Variants in ALKBH8 observed in about 807,000 individuals in gnomAD.
ALKBH8 encodes the protein tRNA (carboxymethyluridine(34)-5-O)-methyltransferase ALKBH8.
In ALKBH8, 36 loss-of-function variants were observed where a neutral mutation model predicts 59.8. The observed-to-expected ratio is 0.60, with a 90% CI of 0.46 to 0.79. The LOEUF (loss-of-function observed/expected upper bound fraction) is 0.79. Ranked by LOEUF, ALKBH8 falls within the 30% of genes least tolerant of loss-of-function variation. ALKBH8 has a pLI of 0.00. For synonymous variants in ALKBH8, 276 were observed against 273.6 expected (o/e 1.01, Z -0.09); for missense variants, 768 against 801.0 (o/e 0.96, Z 0.50).
intron 7 of ALKBH8, among the ~76,000 whole-genome samples, chr11:107,538,335 A>G (rs1230187941): frequency 6.6e-6 from 1 of 152,138 alleles, no homozygotes; most frequent in African/African-American, 2.4e-5. Flanking sequence ...CAGTATCATC[A>G]TATTTAAACT....
At chr11:107,531,323 C>G (rs1305725358) in intron 8 of ALKBH8, among the ~76,000 whole-genome samples, 1 of 152,110 alleles carries the variant, frequency 6.6e-6, no homozygotes, top group Non-Finnish European at 1.5e-5. Flanking sequence ...TAAATTGCAG[C>G]AGTGTAATGG....
Position 107,504,452 on chromosome 11 carries a change from A to G in ALKBH8, c.*206T>C. On this transcript the variant is annotated 3_prime_UTR_variant, in exon 12 of 12. Transcript: ENST00000428149. ...TAGAAACCACCTCTCCTAGGGAAGT[A>G]GGAGGAGCCAACACCACATCTGTGA... 1.5e-6 allele frequency: 1 copy of G among 687,040 alleles called. No homozygotes were observed. The highest frequency in any genetic ancestry group is 2.7e-5 in the East Asian group (1 of 37,190). The allele number at this position is 687,040 out of a possible 1,614,324, so 42.6% of individuals were successfully genotyped here. A position where few individuals can be genotyped will look rare whatever the true frequency, so the allele number is the denominator to read the frequency against.
At chr11:107,520,995 T>C (rs1380377310) in intron 10 of ALKBH8, among the ~76,000 whole-genome samples, 2 of 152,332 alleles carry the variant, frequency 1.3e-5, no homozygotes, top group Admixed American at 6.5e-5. Context: ...ATTTACACTG[T>C]ATTACATATC....
intron 11 of ALKBH8, among the ~76,000 whole-genome samples, chr11:107,509,520 T>C (rs1236477857): frequency 6.6e-6 from 1 of 152,206 alleles, no homozygotes; most frequent in Non-Finnish European, 1.5e-5. Flanking sequence ...AATTTATCTA[T>C]TTTTTGTTTT....
At chr11:107,506,119 A>C (rs1263211019) in intron 11 of ALKBH8, among the ~76,000 whole-genome samples, 1 of 152,164 alleles carries the variant, frequency 6.6e-6, no homozygotes, top group Non-Finnish European at 1.5e-5. Context: ...AGATCTGCCA[A>C]GGTATAAAAT....
Position 107,504,584 on chromosome 11 carries a change from G to C in ALKBH8, c.*74C>G. The C allele has an allele frequency of 6.7e-7, 1 of 1,491,502 alleles. No individual in the cohort carries two copies. 92.4% of individuals were successfully genotyped at this position (1,491,502 alleles called of 1,614,324 possible). On this transcript the variant is annotated 3_prime_UTR_variant, in exon 12 of 12. Transcript: ENST00000428149. Reference sequence around the variant, plus strand: ...CCACAAGTTTTCTCTTTAATTAAAAGGGTAATTAATTTATTCTCTCTTTTT... The same window carrying C: ...CCACAAGTTTTCTCTTTAATTAAAACGGTAATTAATTTATTCTCTCTTTTT...
At chr11:107,522,165 AT>A (rs1863139026) in intron 10 of ALKBH8, 133 bp downstream of exon 10, 6 of 1,115,292 alleles carry the variant, frequency 5.4e-6, no homozygotes, top group Non-Finnish European at 6.2e-6. Flanking sequence ...AATAAAAAAA[AT>A]CATTAATTTT....
intron 7 of ALKBH8, among the ~76,000 whole-genome samples, chr11:107,535,232 T>C (rs1159841214): frequency 6.6e-6 from 1 of 152,200 alleles, no homozygotes; most frequent in Non-Finnish European, 1.5e-5. Context: ...CAATTATCTT[T>C]TTTGTACAAT....
At chr11:107,525,150 T>C (rs571596921) in intron 9 of ALKBH8, among the ~76,000 whole-genome samples, 8 of 152,308 alleles carry the variant, frequency 5.3e-5, no homozygotes, top group South Asian at 2.1e-4. Context: ...TGCCCTTCAA[T>C]TGTAGCACTC....
intron 10 of ALKBH8, among the ~76,000 whole-genome samples, chr11:107,515,309 TG>T (rs771754980): frequency 7.2e-5 from 11 of 152,218 alleles, no homozygotes; most frequent in Non-Finnish European, 7.3e-5. Context: ...CATATTTCTG[TG>T]TGCTGGGTGA....
intron 11 of ALKBH8, among the ~76,000 whole-genome samples, chr11:107,507,372 T>TGATA (rs1862431344): frequency 1.3e-5 from 2 of 152,118 alleles, no homozygotes; most frequent in Non-Finnish European, 2.9e-5. Flanking sequence ...TCAGCATGAC[T>TGATA]GATACATAGA....
At chr11:107,548,196 A>C (rs1347223445) in intron 7 of ALKBH8, among the ~76,000 whole-genome samples, 2 of 152,196 alleles carry the variant, frequency 1.3e-5, no homozygotes, top group Non-Finnish European at 2.9e-5. Context: ...GAGCTAACAC[A>C]TGTCCTGTTA....
chr11:107,549,951 T>C (rs1268812823), intron 6 of ALKBH8, 128 bp from the exon 7 acceptor site: 1 of 624,560 alleles, frequency 1.6e-6, no homozygotes, highest in Non-Finnish European at 2.7e-6. Flanking sequence ...ACTATAATTT[T>C]GGTTAAAAGG....
intron 8 of ALKBH8, among the ~76,000 whole-genome samples, chr11:107,531,332 G>A (rs1050068435): frequency 1.3e-5 from 2 of 152,064 alleles, no homozygotes; most frequent in Admixed American, 1.3e-4. Flanking sequence ...GCAGTGTAAT[G>A]GTCTCTCCTC....
chr11:107,545,506 C>G (rs796857869), intron 7 of ALKBH8, among the ~76,000 whole-genome samples: 1 of 152,172 alleles, frequency 6.6e-6, no homozygotes, highest in Non-Finnish European at 1.5e-5. Context: ...GGAAAGAGAG[C>G]AGGAAATATA....
At chr11:107,553,673 T>C (rs954341324) in intron 4 of ALKBH8, among the ~76,000 whole-genome samples, 174 bp downstream of exon 4, 2 of 152,166 alleles carry the variant, frequency 1.3e-5, no homozygotes, top group Non-Finnish European at 2.9e-5. Context: ...GATAGCTATA[T>C]AAATGTTATT....
chr11:107,511,145 G>A (rs1422983867), intron 10 of ALKBH8, 109 bp from the exon 11 acceptor site: 3 of 1,142,480 alleles, frequency 2.6e-6, no homozygotes, highest in Non-Finnish European at 3.7e-6. Flanking sequence ...CATATTCATT[G>A]TGAAATGGTC....
At chr11:107,538,129 C>T (rs562471444) in intron 7 of ALKBH8, among the ~76,000 whole-genome samples, 16 of 151,870 alleles carry the variant, frequency 1.1e-4, no homozygotes, top group African/African-American at 2.7e-4. Flanking sequence ...GATAAATATT[C>T]GCTCCTATTT....
At chr11:107,562,179 G>C (rs1864962838) in intron 1 of ALKBH8, among the ~76,000 whole-genome samples, 2 of 151,890 alleles carry the variant, frequency 1.3e-5, no homozygotes, top group Admixed American at 6.6e-5. Context: ...GGCACCTGTA[G>C]TCCCAACTAC....
Sources: gnomAD v4.1 joint callset for allele counts (sites outside exome capture counted in the v4.1 genomes callset) on GRCh38, gnomAD v4.1.1 for gene constraint, MANE v1.5 for transcripts, NCBI Gene and HGNC (gene_info 2026-07-23, HGNC 2026-07-21) for gene names.